HHAT: variants seen among roughly 807,000 people sequenced by gnomAD.
HHAT encodes hedgehog acyltransferase.
HHAT carries 47 observed loss-of-function variants against 70.8 expected under a neutral mutation model. The observed-to-expected ratio is 0.66, with a 90% CI of 0.53 to 0.85. The LOEUF (loss-of-function observed/expected upper bound fraction) is 0.85. Ranked by LOEUF, HHAT falls within the 40% of genes least tolerant of loss-of-function variation. The pLI, the probability that HHAT is intolerant of heterozygous loss-of-function variation, is 0.00. For missense variants in HHAT, 609 were observed against 604.8 expected (o/e 1.01, Z -0.07); for synonymous variants, 228 against 247.6 (o/e 0.92, Z 0.74).
chr1:210,560,308 G>C (rs1228684799), intron 9 of HHAT, among the ~76,000 whole-genome samples: 1 of 152,020 alleles, frequency 6.6e-6, no homozygotes, highest in African/African-American at 2.4e-5. Flanking sequence ...AGAGTCAAAG[G>C]TTTTTTTCCC....
intron 8 of HHAT, among the ~76,000 whole-genome samples, chr1:210,511,844 C>T (rs2148579681): frequency 7.6e-6 from 1 of 131,360 alleles, no homozygotes; most frequent in East Asian, 2.4e-4. Flanking sequence ...GGCTGGAGTG[C>T]AGTGGTGTGA....
chr1:210,615,077 T>C (rs1288484810), intron 10 of HHAT, among the ~76,000 whole-genome samples: 1 of 152,188 alleles, frequency 6.6e-6, no homozygotes, highest in African/African-American at 2.4e-5. Context: ...GCACCTATTG[T>C]TTCCTGACTT....
chr1:210,422,660 C>T (rs532930753), intron 7 of HHAT, among the ~76,000 whole-genome samples: 37 of 151,694 alleles, frequency 2.4e-4, no homozygotes, highest in Middle Eastern at 3.4e-3. Context: ...TTTTTTGAGA[C>T]GGAGTCTCGC....
At chr1:210,442,225 C>T (rs1406357995) in intron 7 of HHAT, among the ~76,000 whole-genome samples, 1 of 134,138 alleles carries the variant, frequency 7.5e-6, no homozygotes, top group Non-Finnish European at 1.6e-5. Context: ...GTATATGTGC[C>T]ACATTTTCTT....
chr1:210,464,382 T>C lies in HHAT; in HGVS notation c.857-123T>C, dbSNP rs184020199. 225 of 898,486 alleles carry C rather than the reference T, an allele frequency of 2.5e-4. No homozygotes were observed. In the African/African-American group the frequency reaches 3.4e-3, roughly 14 times the overall value. The allele number at this position is 898,486 out of a possible 1,614,324, so 55.7% of individuals were successfully genotyped here. On this transcript the variant is annotated intron_variant, in intron 7 of 11. Coordinates refer to ENST00000261458, the MANE Select transcript of HHAT (RefSeq NM_018194.6). ...GGAATACTTTTGTGAAATGTGCGAG[T>C]TGAAGGGAGGAAGGGGTGTGGGGAG...
At chr1:210,539,114 C>T (rs1036614585) in intron 9 of HHAT, among the ~76,000 whole-genome samples, 1 of 152,046 alleles carries the variant, frequency 6.6e-6, no homozygotes, top group Non-Finnish European at 1.5e-5. Context: ...CATGTGGAGG[C>T]ACATTCTGCT....
chr1:210,641,609 T>C (rs913368008), intron 11 of HHAT, among the ~76,000 whole-genome samples: 1 of 152,266 alleles, frequency 6.6e-6, no homozygotes, highest in Non-Finnish European at 1.5e-5. Context: ...TTATGATTGA[T>C]GCATTAGAGA....
chr1:210,536,376 G>C (rs1024319068), intron 9 of HHAT, among the ~76,000 whole-genome samples: 4 of 152,236 alleles, frequency 2.6e-5, no homozygotes, highest in African/African-American at 9.6e-5. Context: ...TTCTTTGTCT[G>C]AACAGAATGC....
intron 7 of HHAT, among the ~76,000 whole-genome samples, chr1:210,438,928 T>C (rs911770580): frequency 1.3e-5 from 2 of 151,820 alleles, no homozygotes; most frequent in African/African-American, 4.9e-5. Flanking sequence ...TCAACTTGAG[T>C]ATCTGTCTGT....
chr1:210,363,715 T>G (rs777899299), intron 3 of HHAT, among the ~76,000 whole-genome samples: 62 of 152,184 alleles, frequency 4.1e-4, no homozygotes, highest in Non-Finnish European at 8.1e-4. Context: ...GGCTGTATAT[T>G]TGTTTTCTAA....
intron 11 of HHAT, among the ~76,000 whole-genome samples, chr1:210,645,289 T>TA (rs1055978777): frequency 3.1e-4 from 47 of 152,234 alleles, no homozygotes; most frequent in African/African-American, 1.0e-3. Flanking sequence ...GGTATATATA[T>TA]TTTTTTGAGA....
At chr1:210,410,034 G>A (rs779631848) in intron 6 of HHAT, among the ~76,000 whole-genome samples, 3 of 150,526 alleles carry the variant, frequency 2.0e-5, no homozygotes, top group Non-Finnish European at 4.4e-5. Flanking sequence ...CTTCCTGCTG[G>A]GTTGACAAGG....
At chr1:210,446,699 T>G (rs2093642073) in intron 7 of HHAT, among the ~76,000 whole-genome samples, 1 of 152,226 alleles carries the variant, frequency 6.6e-6, no homozygotes. Context: ...GAGCTGTTCC[T>G]TCATCTTAGA....
In HHAT at chr1:210,359,565, A is replaced by G. The variant is rs116733216; in HGVS notation, c.92-3287A>G. On this transcript the variant is annotated intron_variant, in intron 2 of 11. Transcript: ENST00000261458. ...CACAGCAGGACAGCTTTGACTCCCT[A>G]TGATTTCATCTCCGACCTGACCAAT... Among the ~76,000 whole-genome samples the G allele has an allele frequency of 5.1e-3, 776 of 152,220 alleles. 4 individuals are homozygous for G. Among genetic ancestry groups the G allele is most frequent in the African/African-American group, 0.018 (747 of 41,534 alleles).
chr1:210,572,919 C>T (rs1361145724), intron 9 of HHAT, among the ~76,000 whole-genome samples: 1 of 152,138 alleles, frequency 6.6e-6, no homozygotes, highest in African/African-American at 2.4e-5. Context: ...GTGCATTTTG[C>T]AGTTGCCTGT....
At position 210,671,335 on chromosome 1, in the gene HHAT, C is replaced by T. The variant is rs150465066; in HGVS notation, c.1391-2953C>T. On this transcript the variant is annotated intron_variant, in intron 11 of 11. Coordinates refer to ENST00000261458, the MANE Select transcript of HHAT (RefSeq NM_018194.6). ...AACCCACTGAGGAGCAGGTGTTGGC[C>T]GGTCCCCTGGCATCTGTGCCTGAGC... 5.0e-3 allele frequency among the ~76,000 whole-genome samples: 756 copies of T among 152,264 alleles called. 4 individuals are homozygous for T. Among genetic ancestry groups the T allele is most frequent in the African/African-American group, 0.017 (708 of 41,558 alleles).
chr1:210,380,811 G>A (rs1365986270), intron 3 of HHAT, among the ~76,000 whole-genome samples: 2 of 152,030 alleles, frequency 1.3e-5, no homozygotes, highest in Non-Finnish European at 2.9e-5. Flanking sequence ...GGTGCTGTGG[G>A]GTCAGAGGGG....
intron 11 of HHAT, among the ~76,000 whole-genome samples, chr1:210,637,871 A>AAAAG (rs1553312396): frequency 0.26 from 30,547 of 116,870 alleles, 4,214 homozygotes; most frequent in South Asian, 0.47. Flanking sequence ...AAAAAAAAAA[A>AAAAG]GGGGGGGGCA....
chr1:210,360,963 C>G (rs1290396151), intron 2 of HHAT, among the ~76,000 whole-genome samples: 1 of 146,484 alleles, frequency 6.8e-6, no homozygotes, highest in Non-Finnish European at 1.5e-5. Flanking sequence ...ATTCTCTTGT[C>G]TGCTATGGGG....
Sources: allele counts gnomAD v4.1 joint callset (sites outside exome capture counted in the v4.1 genomes callset), GRCh38; gene constraint gnomAD v4.1.1; transcripts MANE v1.5; gene names NCBI Gene and HGNC (gene_info 2026-07-23, HGNC 2026-07-21).